PYCR3: variants seen among roughly 807,000 people sequenced by gnomAD.
PYCR3 encodes the protein pyrroline-5-carboxylate reductase 3, also known as P5C reductase 3.
PYCR3 carries 26 observed loss-of-function variants against 23.4 expected under a neutral mutation model. The observed-to-expected ratio is 1.11, with a 90% CI of 0.81 to 1.54. PYCR3 has a LOEUF of 1.54. Ranked by LOEUF, PYCR3 falls within the 40% of genes most tolerant of loss-of-function variation. The pLI is 0.00. For missense variants in PYCR3, 360 were observed against 376.3 expected, an observed-to-expected ratio of 0.96 and a Z score of 0.36; for synonymous variants, 194 against 162.6, an observed-to-expected ratio of 1.19 and a Z score of -1.47.
At chr8:143,608,688 C>T (rs778555361) in intron 1 of PYCR3, 1 of 375,422 alleles carries the variant, frequency 2.7e-6, no homozygotes, top group Non-Finnish European at 5.4e-6. Flanking sequence ...AACCTGAACA[C>T]AGCAATTAAT....
In PYCR3 at chr8:143,606,645, A is replaced by G. The variant is rs1186998633; in HGVS notation, c.371T>C (p.Leu124Ser). 1 of 1,606,032 alleles carries G rather than the reference A, an allele frequency of 6.2e-7. No homozygotes were observed. The highest frequency in any genetic ancestry group is 1.7e-5 in the Admixed American group (1 of 59,020). ...CTGGACCACACAGGGCAGGTTGGGC[A>G]AGACCCGCAGCACCCGTGTGTTTGG... ...LPPNTRVLRV[L>S]PNLPCVVQEG... Residue 124 changes from leucine to serine, a missense_variant, in exon 4 of 6, where the codon TTG becomes TCG. Transcript: ENST00000495276.
chr8:143,606,791 CT>C, intron 3 of PYCR3, 112 bp from the exon 4 acceptor site: 2 of 1,345,900 alleles, frequency 1.5e-6, no homozygotes, highest in Admixed American at 4.9e-5. Context: ...GCTCCAGCGT[CT>C]GCCTCCCAGG....
chr8:143,609,436 G>A, intron 1 of PYCR3, 22 bp downstream of exon 1: 2 of 1,491,002 alleles, frequency 1.3e-6, no homozygotes, highest in African/African-American at 2.9e-5. Flanking sequence ...CAGACCGCAG[G>A]CCTAGCCCCG....
chr8:143,606,889 G>A, intron 3 of PYCR3, 64 bp downstream of exon 3: 2 of 1,508,912 alleles, frequency 1.3e-6, no homozygotes, highest in Admixed American at 2.2e-5. Flanking sequence ...GGGGCTGCCT[G>A]CCGCCCAAGC....
chr8:143,608,795 C>G, intron 1 of PYCR3: 1 of 456,446 alleles, frequency 2.2e-6, no homozygotes, highest in Non-Finnish European at 4.4e-6. Flanking sequence ...GCGGTACTGC[C>G]AGGTTTCACA....
Position 143,604,465 on chromosome 8 carries a change from G to A in PYCR3, c.*1235C>T, listed in dbSNP as rs961796963. On this transcript the variant is annotated 3_prime_UTR_variant, in exon 6 of 6. Coordinates refer to ENST00000495276, the MANE Select transcript of PYCR3 (RefSeq NM_023078.6). Reference sequence around the variant, plus strand: ...GGATGGAGCGTGCTGCTGTCCTGCAGGTGCCGTTAGCCCTGTTTTGCACTG... The same window carrying A: ...GGATGGAGCGTGCTGCTGTCCTGCAAGTGCCGTTAGCCCTGTTTTGCACTG... The A allele has an allele frequency of 9.6e-6, 2 of 208,146 alleles. No homozygotes were observed. The highest frequency in any genetic ancestry group is 1.2e-4 in the South Asian group (2 of 16,052). The allele number at this position is 208,146 out of a possible 1,614,324, so 12.9% of individuals were successfully genotyped here. A position where few individuals can be genotyped will look rare whatever the true frequency, so the allele number is the denominator to read the frequency against.
rs1829363101 is a variant in PYCR3 at position 143,605,352 on chromosome 8, T to G, written c.*348A>C. ...GGCCAGCCGTGCCTGTTACCGTAAG[T>G]TCTGTTCATGGCCTCAACCAACTGC... On this transcript the variant is annotated 3_prime_UTR_variant, in exon 6 of 6. Coordinates refer to ENST00000495276, the MANE Select transcript of PYCR3 (RefSeq NM_023078.6). 5.4e-6 allele frequency: 2 copies of G among 372,500 alleles called. No individual in the cohort carries two copies. Among genetic ancestry groups the G allele is most frequent in the Admixed American group, 4.3e-5 (1 of 23,426 alleles). 23.1% of individuals were successfully genotyped at this position (372,500 alleles called of 1,614,324 possible).
In PYCR3 at chr8:143,609,539, C is replaced by T. The variant is rs530327843; in HGVS notation, c.10G>A (p.Ala4Thr). MAAAEPSPRRVGFV... is the reference protein window; with the variant it reads MAATEPSPRRVGFV... Reference sequence around the variant, plus strand: ...CCCACGCGCCGCGGAGACGGCTCCGCAGCTGCCATCTTGTTGCCTCGGACG... The same window carrying T: ...CCCACGCGCCGCGGAGACGGCTCCGTAGCTGCCATCTTGTTGCCTCGGACG... Residue 4 changes from alanine (A) to threonine (T), a missense_variant, in exon 1 of 6, where the codon GCG (alanine) becomes ACG (threonine). Transcript: ENST00000495276. 6.0e-5 allele frequency: 91 copies of T among 1,510,242 alleles called. No individual in the cohort carries two copies. Among genetic ancestry groups the T allele is most frequent in the South Asian group, 3.4e-4 (28 of 81,488 alleles). The allele number at this position is 1,510,242 out of a possible 1,614,324, so 93.6% of individuals were successfully genotyped here. A position where few individuals can be genotyped will look rare whatever the true frequency, so the allele number is the denominator to read the frequency against.
rs1414013951 is a variant in PYCR3 at position 143,603,228 on chromosome 8, C to G, written c.*2472G>C. The G allele has an allele frequency of 6.6e-6, 1 of 152,236 alleles. No individual in the cohort carries two copies. Among genetic ancestry groups the G allele is most frequent in the African/African-American group, 2.4e-5 (1 of 41,452 alleles). 9.4% of individuals were successfully genotyped at this position (152,236 alleles called of 1,614,324 possible). ...GGACATGTCCACTTCATGAGCATCC[C>G]TGTTTTGAAGTCTTATTTTTAAACT... is the stretch of plus-strand genomic sequence containing the variant. On this transcript the variant is annotated 3_prime_UTR_variant, in exon 6 of 6. Transcript: ENST00000495276.
intron 1 of PYCR3, chr8:143,608,652 A>C (rs1829463931): frequency 3.1e-6 from 1 of 323,300 alleles, no homozygotes; most frequent in African/African-American, 2.2e-5. Flanking sequence ...GGTAAGGTCG[A>C]ACAGGAAGGC....
rs1328121709 is a variant in PYCR3 at position 143,604,238 on chromosome 8, T to C, written c.*1462A>G. On this transcript the variant is annotated 3_prime_UTR_variant, in exon 6 of 6. Coordinates refer to ENST00000495276, the MANE Select transcript of PYCR3 (RefSeq NM_023078.6). Reference sequence around the variant, plus strand: ...TCTGGTGAAACATGAGCTCACTTGGTGCTCTCTGGCCTCTTTATTCCCATC... The same window carrying C: ...TCTGGTGAAACATGAGCTCACTTGGCGCTCTCTGGCCTCTTTATTCCCATC... 1 of 152,248 alleles carries C rather than the reference T, an allele frequency of 6.6e-6. No individual in the cohort carries two copies. The highest frequency in any genetic ancestry group is 2.4e-5 in the African/African-American group (1 of 41,422). The allele number at this position is 152,248 out of a possible 1,614,324, so 9.4% of individuals were successfully genotyped here. A position where few individuals can be genotyped will look rare whatever the true frequency, so the allele number is the denominator to read the frequency against.
chr8:143,606,802 G>C (rs1485756311), intron 3 of PYCR3, 123 bp from the exon 4 acceptor site: 1 of 1,327,284 alleles, frequency 7.5e-7, no homozygotes, highest in Non-Finnish European at 1.0e-6. Context: ...TGCCTCCCAG[G>C]TACAGCACCA....
rs1435551606 is a variant in PYCR3, at chr8:143,604,909, A to T, written c.*791T>A. 5.9e-6 allele frequency: 3 copies of T among 509,810 alleles called. No homozygotes were observed. Among genetic ancestry groups the T allele is most frequent in the African/African-American group, 3.9e-5 (2 of 51,812 alleles). The allele number at this position is 509,810 out of a possible 1,614,324, so 31.6% of individuals were successfully genotyped here. ...GCCCAGAGCCACCTGGCCACTTGTC[A>T]GGAGCTTAGGATTGGGAGGAAAGAG... is the stretch of plus-strand genomic sequence containing the variant. On this transcript the variant is annotated 3_prime_UTR_variant, in exon 6 of 6. Transcript: ENST00000495276.
intron 1 of PYCR3, 151 bp downstream of exon 1, chr8:143,609,307 G>C: frequency 1.1e-6 from 1 of 936,138 alleles, no homozygotes; most frequent in South Asian, 2.1e-5. Context: ...CGTCAAAAAA[G>C]TAAGAGCAAA....
At position 143,603,848 on chromosome 8, in the gene PYCR3, G is replaced by T; in HGVS notation, c.*1852C>A. ...CCAGCACCCCCTTCGGCTGACACCT[G>T]TGCTTGACCAAGGTTCCAGGCCTCA... On this transcript the variant is annotated 3_prime_UTR_variant, in exon 6 of 6. Transcript: ENST00000495276. The T allele has an allele frequency of 6.6e-6, 1 of 151,564 alleles. No individual in the cohort carries two copies. The allele number at this position is 151,564 out of a possible 1,614,324, so 9.4% of individuals were successfully genotyped here.
In PYCR3 at chr8:143,606,502, T is replaced by C. The variant is rs148395041; in HGVS notation, c.514A>G (p.Ile172Val). 9.3e-6 allele frequency: 15 copies of C among 1,612,920 alleles called. No individual in the cohort carries two copies. Among genetic ancestry groups the C allele is most frequent in the Non-Finnish European group, 1.2e-5 (14 of 1,179,994 alleles). ...CEEVPEAYVD[I>V]HTGLSGSGVA... ...CCACTGCCACTGAGGCCAGTGTGGA[T>C]GTCGACGTAGGCTTCAGGCACCTCC... is the stretch of plus-strand genomic sequence containing the variant. The change falls in exon 4 of 6, where the codon ATC becomes GTC. Residue 172 changes from isoleucine (I) to valine (V), a missense_variant. By Grantham distance (29) the Ile-to-Val change is conservative (BLOSUM62 3). Transcript: ENST00000495276.
rs148099446 is a variant in PYCR3 at position 143,607,025 on chromosome 8, C to T, written c.264G>A (p.Val88=). The T allele has an allele frequency of 6.2e-7, 1 of 1,613,344 alleles. No homozygotes were observed. Among genetic ancestry groups the T allele is most frequent in the African/African-American group, 1.3e-5 (1 of 75,052 alleles). The change falls in exon 3 of 6, where the codon GTG becomes GTA. Residue 88 remains valine, a synonymous_variant. Coordinates refer to ENST00000495276, the MANE Select transcript of PYCR3 (RefSeq NM_023078.6). ...PHVLPAVLAE[V]APVVTTEHIL... ...TGTGTTCAGTGGTGACCACAGGAGC[C>T]ACCTCTGCCAGGACAGCTGGCAGCA...
Position 143,604,796 on chromosome 8 carries a change from G to A in PYCR3, c.*904C>T. The A allele has an allele frequency of 2.3e-6, 1 of 436,876 alleles. No individual in the cohort carries two copies. The highest frequency in any genetic ancestry group is 1.6e-5 in the South Asian group (1 of 62,196). The allele number at this position is 436,876 out of a possible 1,614,324, so 27.1% of individuals were successfully genotyped here. On this transcript the variant is annotated 3_prime_UTR_variant, in exon 6 of 6. Coordinates refer to ENST00000495276, the MANE Select transcript of PYCR3 (RefSeq NM_023078.6). The stretch of plus-strand genomic sequence containing the variant: ...TGCCGTCCGTTAGGGACAGGTGGAG[G>A]GGCCAAGTCTTGCCATCAGAGGCCA...
rs35552090 is a variant in PYCR3 at position 143,605,731 on chromosome 8, G to C, written c.794C>G (p.Thr265Ser). The change falls in exon 6 of 6, where the codon ACC (threonine) becomes AGC (serine). Residue 265 changes from threonine (T) to serine (S), a missense_variant. Physicochemically the swap from Thr to Ser is moderately conservative, Grantham distance 58. Coordinates refer to ENST00000495276, the MANE Select transcript of PYCR3 (RefSeq NM_023078.6). ...TCTGCTGAGCTCCTTGGCCCGGCAG[G>C]TGGCAGCCTCCACGGCGCTCATGGT... ...AATMSAVEAATCRAKELSRK is the reference protein window; with the variant it reads ...AATMSAVEAASCRAKELSRK 2 of 1,604,508 alleles carry C rather than the reference G, an allele frequency of 1.2e-6. No individual in the cohort carries two copies. The highest frequency in any genetic ancestry group is 2.2e-5 in the East Asian group (1 of 44,600).
Sources: allele counts gnomAD v4.1 joint callset, GRCh38; gene constraint gnomAD v4.1.1; transcripts MANE v1.5; gene names NCBI Gene and HGNC (gene_info 2026-07-23, HGNC 2026-07-21).